Variants in PLAGL1 observed in about 807,000 individuals in gnomAD.
PLAGL1 encodes the protein PLAG1 like zinc finger 1.
Under a neutral mutation model 4.6 loss-of-function variants are expected in PLAGL1, and 1 was observed. That is an observed-to-expected ratio of 0.22 (90% CI 0.08 to 1.03). The LOEUF (loss-of-function observed/expected upper bound fraction) is 1.03. PLAGL1 is among the 50% of genes least tolerant of loss of function. The probability of loss-of-function intolerance (pLI) is 0.58; values close to 1 mark genes in which losing one functional copy is unlikely to be tolerated. For synonymous variants in PLAGL1, 240 were observed against 237.8 expected, an observed-to-expected ratio of 1.01 and a Z score of -0.08; for missense variants, 464 against 570.4, an observed-to-expected ratio of 0.81 and a Z score of 1.90.
intron 2 of PLAGL1, among the ~76,000 whole-genome samples, chr6:143,981,710 T>G (rs1405857422): frequency 6.6e-6 from 1 of 152,188 alleles, no homozygotes; most frequent in Non-Finnish European, 1.5e-5. Context: ...GTTCCTGTTA[T>G]TACAAGATGG....
intron 1 of PLAGL1, among the ~76,000 whole-genome samples, chr6:144,037,973 T>C (rs1797383751): frequency 6.6e-6 from 1 of 151,976 alleles, no homozygotes; most frequent in Non-Finnish European, 1.5e-5. Flanking sequence ...ATGAACTAAC[T>C]CCCACCTATG....
At position 143,953,536 on chromosome 6, in the gene PLAGL1, G is replaced by A. The variant is rs116910666; in HGVS notation, c.-324-5076C>T. On this transcript the variant is annotated intron_variant, in intron 6 of 7. Transcript: ENST00000674357. This position sits in a 1 kb window ranked among gnomAD's most constrained non-coding sequence, Gnocchi z 5.3. ...ATCCTAGCCAGAACATCTGAAAAGGGACAGGGTGTGTTCTGTTTACAAATA... is the reference window on the plus strand; with the variant it reads ...ATCCTAGCCAGAACATCTGAAAAGGAACAGGGTGTGTTCTGTTTACAAATA... Among the ~76,000 whole-genome samples, 295 of 152,336 alleles carry A rather than the reference G, an allele frequency of 1.9e-3. 4 individuals carry two copies. The highest frequency in any genetic ancestry group is 0.014 in the East Asian group (72 of 5,176).
Position 143,942,399 on chromosome 6 carries a change from G to A in PLAGL1, c.417C>T (p.Leu139=), listed in dbSNP as rs1386345834. ...GGGGCTTCTCTTCCGCATGGGCTTT[G>A]AGGTGGTCCAGTAGCACCTCGGTGC... ...LGSTEVLLDH[L]KAHAEEKPPS... is the part of the protein sequence containing the mutation. Residue 139 remains leucine, a synonymous_variant, in exon 8 of 8, where the codon CTC becomes CTT. Transcript: ENST00000674357. The surrounding 1 kb of genome is among the most constrained non-coding windows in gnomAD (Gnocchi z 7.6). 1 of 1,614,164 alleles carries A rather than the reference G, an allele frequency of 6.2e-7. No individual in the cohort carries two copies. Among genetic ancestry groups the A allele is most frequent in the South Asian group, 1.1e-5 (1 of 91,090 alleles).
In PLAGL1 at chr6:144,064,143, A is replaced by T. The variant is rs1175677860; in HGVS notation, c.-151+325T>A. 2.6e-5 allele frequency among the ~76,000 whole-genome samples: 4 copies of T among 151,430 alleles called. No homozygotes were observed. The highest frequency in any genetic ancestry group is 5.9e-5 in the Non-Finnish European group (4 of 67,804). ...GGCGGGCGCTAGGTGGCGGCTGTTC[A>T]GCTCCCACGTCACCCGGCCCGCCCT... On this transcript the variant is annotated intron_variant, in intron 1 of 3. Coordinates refer to the PLAGL1 transcript ENST00000437412. This position sits in a 1 kb window ranked among gnomAD's most constrained non-coding sequence, Gnocchi z 6.8.
In PLAGL1 at chr6:143,971,507, C is replaced by T. The variant is rs1396857041; in HGVS notation, c.-543-2529G>A. Among the ~76,000 whole-genome samples the T allele has an allele frequency of 6.6e-6, 1 of 152,166 alleles. No homozygotes were observed. Among genetic ancestry groups the T allele is most frequent in the Non-Finnish European group, 1.5e-5 (1 of 68,030 alleles). On this transcript the variant is annotated intron_variant, in intron 2 of 7. Coordinates refer to ENST00000674357, the MANE Select transcript of PLAGL1 (RefSeq NM_001317162.2). This position sits in a 1 kb window ranked among gnomAD's most constrained non-coding sequence, Gnocchi z 4.7. ...TTATTTTCCCAATAAATGTTGACAA[C>T]AATTTCCCACTTCCAGCTCTGGCTT... is the stretch of plus-strand genomic sequence containing the variant.
rs2128591643 is a variant in PLAGL1 at position 143,975,810 on chromosome 6, G to A, written c.-543-6832C>T. 6.6e-6 allele frequency among the ~76,000 whole-genome samples: 1 copy of A among 152,292 alleles called. No individual in the cohort carries two copies. On this transcript the variant is annotated intron_variant, in intron 2 of 7. Coordinates refer to ENST00000674357, the MANE Select transcript of PLAGL1 (RefSeq NM_001317162.2). The surrounding 1 kb of genome is among the most constrained non-coding windows in gnomAD (Gnocchi z 5.8). ...TATAAAGCAGCAGTGTGGTTTTTCT[G>A]CACAATTCAGCTTTACTTCTTGCCA... is the stretch of plus-strand genomic sequence containing the variant.
upstream of PLAGL1, among the ~76,000 whole-genome samples, chr6:144,012,613 C>G (rs1207761850): frequency 1.3e-5 from 2 of 152,308 alleles, no homozygotes; most frequent in Admixed American, 6.5e-5. The surrounding 1 kb of genome is among the most constrained non-coding windows in gnomAD (Gnocchi z 4.8). Flanking sequence ...AGCAGTCTTT[C>G]TTTCTCACTG....
chr6:144,033,606 A>AT, intron 1 of PLAGL1, among the ~76,000 whole-genome samples: 1 of 152,246 alleles, frequency 6.6e-6, no homozygotes, highest in African/African-American at 2.4e-5. Context: ...ACTAGTAGAA[A>AT]GCTTAGTGAA....
intron 1 of PLAGL1, among the ~76,000 whole-genome samples, chr6:144,030,096 T>C (rs1322829074): frequency 2.0e-5 from 3 of 151,126 alleles, no homozygotes; most frequent in Non-Finnish European, 3.0e-5. Context: ...CACTAAAAAA[T>C]ACAAAAAAAT....
rs970253822 is a variant in PLAGL1 at position 143,994,048 on chromosome 6, A to G, written c.-583-8874T>C. ...TTCATATATGGCTAAGGAAAAAAAA[A>G]AAAAGAAAAGAACTCCCTAGGGGCA... On this transcript the variant is annotated intron_variant, in intron 1 of 7. Coordinates refer to ENST00000674357, the MANE Select transcript of PLAGL1 (RefSeq NM_001317162.2). This position sits in a 1 kb window ranked among gnomAD's most constrained non-coding sequence, Gnocchi z 4.3. 6.6e-6 allele frequency among the ~76,000 whole-genome samples: 1 copy of G among 152,018 alleles called. No individual in the cohort carries two copies. Among genetic ancestry groups the G allele is most frequent in the Admixed American group, 6.6e-5 (1 of 15,264 alleles).
chr6:144,052,136 A>G (rs1798624549), intron 1 of PLAGL1, among the ~76,000 whole-genome samples: 1 of 152,222 alleles, frequency 6.6e-6, no homozygotes, highest in African/African-American at 2.4e-5. Flanking sequence ...CTAGGTTGCT[A>G]TTCAGAAAAA....
intron 1 of PLAGL1, among the ~76,000 whole-genome samples, chr6:143,993,774 A>G (rs187900957): frequency 3.3e-5 from 5 of 152,320 alleles, no homozygotes; most frequent in South Asian, 2.1e-4. Flanking sequence ...ATGCAAATCA[A>G]TGTAGCAAAT....
intron 1 of PLAGL1, among the ~76,000 whole-genome samples, chr6:143,996,006 CGGTTTAACCT>C (rs1441286603): frequency 1.3e-5 from 2 of 152,138 alleles, no homozygotes. Context: ...AAACCAAAAA[CGGTTTAACCT>C]GGTCACCCTC....
In PLAGL1 at chr6:144,022,862, A is replaced by G. The variant is rs1796073079; in HGVS notation, c.-151+41606T>C. ...ACAGACTAATACACACAGACTTCCC[A>G]TACTACCCAGCAATCACACTCCTTG... On this transcript the variant is annotated intron_variant, in intron 1 of 3. Transcript: ENST00000437412. This position sits in a 1 kb window ranked among gnomAD's most constrained non-coding sequence, Gnocchi z 4.2. Among the ~76,000 whole-genome samples the G allele has an allele frequency of 6.6e-6, 1 of 152,190 alleles. No homozygotes were observed. Among genetic ancestry groups the G allele is most frequent in the African/African-American group, 2.4e-5 (1 of 41,452 alleles).
chr6:143,943,884 A>C (rs1477605726), intron 7 of PLAGL1, among the ~76,000 whole-genome samples: 4 of 152,212 alleles, frequency 2.6e-5, no homozygotes, highest in Non-Finnish European at 5.9e-5. Flanking sequence ...AATTGCTAAC[A>C]TCTAAACTCA....
chr6:144,027,625 G>A lies in PLAGL1; in HGVS notation c.-151+36843C>T, dbSNP rs1796465077. ...AGCACCACAGTCAAATTCTAAGACTGTACAGTGCTTTGATTTACACAAATA... is the reference window on the plus strand; with the variant it reads ...AGCACCACAGTCAAATTCTAAGACTATACAGTGCTTTGATTTACACAAATA... On this transcript the variant is annotated intron_variant, in intron 1 of 3. Transcript: ENST00000437412. The surrounding 1 kb of genome is among the most constrained non-coding windows in gnomAD (Gnocchi z 5.8). Among the ~76,000 whole-genome samples the A allele has an allele frequency of 1.3e-5, 2 of 152,176 alleles. No homozygotes were observed. The highest frequency in any genetic ancestry group is 4.1e-4 in the South Asian group (2 of 4,834).
In PLAGL1 at chr6:143,995,317, T is replaced by C. The variant is rs1295891548; in HGVS notation, c.-583-10143A>G. ...TTGTATGCACGTATCAAGCTACCCT[T>C]TTCATATCATTCAATAAATGATGCA... On this transcript the variant is annotated intron_variant, in intron 1 of 7. Transcript: ENST00000674357. The surrounding 1 kb of genome is among the most constrained non-coding windows in gnomAD (Gnocchi z 4.4). Among the ~76,000 whole-genome samples the C allele has an allele frequency of 6.6e-6, 1 of 152,230 alleles. No homozygotes were observed. The highest frequency in any genetic ancestry group is 1.9e-4 in the East Asian group (1 of 5,200).
upstream of PLAGL1, among the ~76,000 whole-genome samples, chr6:144,012,767 C>G (rs189014268): frequency 1.7e-4 from 26 of 152,324 alleles, no homozygotes; most frequent in East Asian, 5.0e-3. This position sits in a 1 kb window ranked among gnomAD's most constrained non-coding sequence, Gnocchi z 4.8. Context: ...GGCATTACAG[C>G]ATGCCCTAGC....
chr6:144,034,988 G>A lies in PLAGL1; in HGVS notation c.-151+29480C>T, dbSNP rs965912763. Among the ~76,000 whole-genome samples, 1 of 152,152 alleles carries A rather than the reference G, an allele frequency of 6.6e-6. No individual in the cohort carries two copies. The highest frequency in any genetic ancestry group is 2.4e-5 in the African/African-American group (1 of 41,432). ...TTGATGGATGGGTATGTAATACATT[G>A]AGAACAGTTAAATGTTAATGATAGA... On this transcript the variant is annotated intron_variant, in intron 1 of 3. Transcript: ENST00000437412. The surrounding 1 kb of genome is among the most constrained non-coding windows in gnomAD (Gnocchi z 4.7).
Sources: allele counts gnomAD v4.1 joint callset (sites outside exome capture counted in the v4.1 genomes callset), GRCh38; gene constraint gnomAD v4.1.1; non-coding constraint Gnocchi (gnomAD v3.1); transcripts MANE v1.5; gene names NCBI Gene and HGNC (gene_info 2026-07-23, HGNC 2026-07-21).